The following PGCKA1 variants were observed in gnomAD, a reference collection of about 807,000 sequenced individuals.
The protein encoded by PGCKA1 is PDCD10 and GCKIII kinases associated 1, also known as PDCD10 and GCKIII kinases-associated protein 1.
the PGCKA1 span, among the ~76,000 whole-genome samples, chr4:37,479,518 T>C: frequency 6.6e-6 from 1 of 152,180 alleles, no homozygotes; most frequent in Admixed American, 6.5e-5. Context: ...ACGCAAATTT[T>C]CAGTAGGAAC....
At chr4:37,512,578 C>A in the PGCKA1 span, among the ~76,000 whole-genome samples, 1 of 151,180 alleles carries the variant, frequency 6.6e-6, no homozygotes, top group African/African-American at 2.4e-5. Flanking sequence ...CTCATCCTCC[C>A]GAATAGCTGG....
At chr4:37,463,075 G>A in the PGCKA1 span, among the ~76,000 whole-genome samples, 1 of 151,730 alleles carries the variant, frequency 6.6e-6, no homozygotes, top group African/African-American at 2.4e-5. Flanking sequence ...CCTAAAGAGA[G>A]AATGGGACCT....
the PGCKA1 span, among the ~76,000 whole-genome samples, chr4:37,519,280 A>ATT: frequency 2.7e-5 from 4 of 147,712 alleles, no homozygotes; most frequent in Admixed American, 6.8e-5. Flanking sequence ...AATTTTTAGG[A>ATT]TTTTTTTTTT....
chr4:37,533,418 G>T, the PGCKA1 span, among the ~76,000 whole-genome samples: 1 of 152,134 alleles, frequency 6.6e-6, no homozygotes, highest in African/African-American at 2.4e-5. Context: ...GAATTGTCAC[G>T]CATATCGTTA....
At chr4:37,555,336 A>G in the PGCKA1 span, among the ~76,000 whole-genome samples, 65,490 of 152,002 alleles carry the variant, frequency 0.43, 14,653 homozygotes, top group African/African-American at 0.52. Flanking sequence ...AGACAGTTGG[A>G]TACTTTGTTC....
At chr4:37,590,317 G>T in the PGCKA1 span, 1 of 1,613,696 alleles carries the variant, frequency 6.2e-7, no homozygotes, top group Non-Finnish European at 8.5e-7. Flanking sequence ...CCCACAGGGG[G>T]ACGCTGGAGG....
chr4:37,513,144 A>G, the PGCKA1 span, among the ~76,000 whole-genome samples: 11 of 152,222 alleles, frequency 7.2e-5, no homozygotes, highest in East Asian at 1.9e-3. Context: ...CCATTTTACA[A>G]CAAAGATCAC....
the PGCKA1 span, among the ~76,000 whole-genome samples, chr4:37,511,647 A>C: frequency 6.6e-6 from 1 of 152,090 alleles, no homozygotes; most frequent in Non-Finnish European, 1.5e-5. Context: ...TTGAAGATGC[A>C]AGCTATGCTG....
At chr4:37,535,984 G>C in the PGCKA1 span, among the ~76,000 whole-genome samples, 3 of 152,190 alleles carry the variant, frequency 2.0e-5, no homozygotes, top group East Asian at 5.8e-4. Flanking sequence ...GTGGTTGTGA[G>C]GATTAAATGA....
chr4:37,488,629 C>T, the PGCKA1 span, among the ~76,000 whole-genome samples: 13 of 152,124 alleles, frequency 8.5e-5, no homozygotes, highest in African/African-American at 2.7e-4. Flanking sequence ...AACTCTCCTG[C>T]CAGAGCACCT....
At chr4:37,492,284 A>T in the PGCKA1 span, among the ~76,000 whole-genome samples, 174 of 152,268 alleles carry the variant, frequency 1.1e-3, no homozygotes, top group Non-Finnish European at 2.1e-3. This position sits in a 1 kb window ranked among gnomAD's most constrained non-coding sequence, Gnocchi z 4.7. Flanking sequence ...TTCCCCGGCT[A>T]CCTGATAGTC....
the PGCKA1 span, among the ~76,000 whole-genome samples, chr4:37,476,287 A>G: frequency 6.6e-6 from 1 of 152,182 alleles, no homozygotes; most frequent in African/African-American, 2.4e-5. Context: ...ACTTACCCAA[A>G]GCAGTGAAGC....
chr4:37,575,914 T>C, the PGCKA1 span, among the ~76,000 whole-genome samples: 2 of 152,126 alleles, frequency 1.3e-5, no homozygotes, highest in Non-Finnish European at 2.9e-5. Context: ...ACTATAAGTG[T>C]ATTGATTTGT....
the PGCKA1 span, among the ~76,000 whole-genome samples, chr4:37,581,106 T>C: frequency 6.6e-6 from 1 of 152,084 alleles, no homozygotes; most frequent in Non-Finnish European, 1.5e-5. The surrounding 1 kb of genome is among the most constrained non-coding windows in gnomAD (Gnocchi z 4.4). Context: ...TAGTAAGTTC[T>C]GCCAGGCCTA....
the PGCKA1 span, among the ~76,000 whole-genome samples, chr4:37,587,296 C>T: frequency 1.3e-5 from 2 of 152,134 alleles, no homozygotes; most frequent in African/African-American, 4.8e-5. Context: ...ATCACATCTG[C>T]AAATACCTTT....
At chr4:37,509,389 C>T in the PGCKA1 span, among the ~76,000 whole-genome samples, 19 of 139,132 alleles carry the variant, frequency 1.4e-4, no homozygotes, top group Non-Finnish European at 2.5e-4. Flanking sequence ...AGGCGTTCCT[C>T]ACATCCCAGA....
the PGCKA1 span, among the ~76,000 whole-genome samples, chr4:37,476,078 CTA>C: frequency 6.6e-6 from 1 of 151,634 alleles, no homozygotes; most frequent in Admixed American, 6.6e-5. Flanking sequence ...GTATCTGGCT[CTA>C]TTTTGATTTT....
At chr4:37,589,806 A>G in the PGCKA1 span, among the ~76,000 whole-genome samples, 3 of 152,122 alleles carry the variant, frequency 2.0e-5, no homozygotes, top group Admixed American at 6.5e-5. Flanking sequence ...TAATTTTTGT[A>G]TTTTTAGTAA....
At chr4:37,506,536 T>C in the PGCKA1 span, among the ~76,000 whole-genome samples, 1 of 152,052 alleles carries the variant, frequency 6.6e-6, no homozygotes, top group Non-Finnish European at 1.5e-5. Context: ...GAAACACTGG[T>C]CATTCAGGAG....
Sources: gnomAD v4.1 joint callset for allele counts (sites outside exome capture counted in the v4.1 genomes callset) on GRCh38, gnomAD v4.1.1 for gene constraint, Gnocchi (gnomAD v3.1) non-coding constraint, MANE v1.5 for transcripts, NCBI Gene and HGNC (gene_info 2026-07-23, HGNC 2026-07-21) for gene names.